PDS5B: variants seen among roughly 807,000 people sequenced by gnomAD.
PDS5B encodes sister chromatid cohesion protein PDS5 homolog B.
In PDS5B, 51 loss-of-function variants were observed where a neutral mutation model predicts 184.1. The observed-to-expected ratio is 0.28, with a 90% CI of 0.22 to 0.35. The LOEUF (loss-of-function observed/expected upper bound fraction) is 0.35, where lower values mean the gene tolerates loss of function less well. Ranked by LOEUF, PDS5B falls within the 10% of genes least tolerant of loss-of-function variation. PDS5B has a pLI of 1.00. For missense variants in PDS5B, 1,180 were observed against 1,723.3 expected, an observed-to-expected ratio of 0.68 and a Z score of 5.58; for synonymous variants, 566 against 569.2, an observed-to-expected ratio of 0.99 and a Z score of 0.08.
intron 1 of PDS5B, among the ~76,000 whole-genome samples, chr13:32,598,768 CTCTTT>C (rs2057921234): frequency 7.3e-6 from 1 of 136,842 alleles, no homozygotes; most frequent in Non-Finnish European, 1.6e-5. Flanking sequence ...TTTTTTTTCT[CTCTTT>C]TTTTTTTTTT....
intron 33 of PDS5B, chr13:32,771,018 A>T (rs1954766255): frequency 2.8e-6 from 1 of 356,766 alleles, no homozygotes; most frequent in South Asian, 6.5e-5. Flanking sequence ...TATGATATCT[A>T]AAGAAATCAT....
chr13:32,740,936 G>T (rs969539730), intron 21 of PDS5B, 144 bp from the exon 22 acceptor site: 37 of 588,968 alleles, frequency 6.3e-5, no homozygotes, highest in Non-Finnish European at 9.1e-5. Context: ...AAGTAAATAG[G>T]GTTAGATGAA....
At chr13:32,690,811 T>C (rs1951526801) in intron 13 of PDS5B, 1 of 152,144 alleles carries the variant, frequency 6.6e-6, no homozygotes. Context: ...AAGGCTTTGA[T>C]TCTACAAAAA....
intron 7 of PDS5B, among the ~76,000 whole-genome samples, chr13:32,672,522 A>G (rs754065246): frequency 3.3e-5 from 5 of 152,232 alleles, no homozygotes; most frequent in African/African-American, 2.4e-5. Flanking sequence ...GAAGTCCGAG[A>G]GTAGGCTGTC....
intron 19 of PDS5B, among the ~76,000 whole-genome samples, chr13:32,727,861 T>C (rs930379401): frequency 6.6e-6 from 1 of 151,676 alleles, no homozygotes; most frequent in Admixed American, 6.6e-5. Context: ...TTGAATACTT[T>C]TTTTTTTAAT....
intron 1 of PDS5B, among the ~76,000 whole-genome samples, chr13:32,622,940 G>T (rs986434658): frequency 6.6e-6 from 1 of 152,216 alleles, no homozygotes; most frequent in African/African-American, 2.4e-5. Flanking sequence ...TGAGTCAGGG[G>T]AATGGGAGAT....
intron 10 of PDS5B, among the ~76,000 whole-genome samples, 196 bp downstream of exon 10, chr13:32,679,125 G>T (rs1189252239): frequency 2.0e-5 from 3 of 149,030 alleles, no homozygotes; most frequent in Non-Finnish European, 4.4e-5. Flanking sequence ...TCGCTATGTT[G>T]CCCAAGCTTG....
chr13:32,725,840 A>C (rs1313115501), intron 19 of PDS5B, among the ~76,000 whole-genome samples: 3 of 152,150 alleles, frequency 2.0e-5, no homozygotes, highest in Admixed American at 2.0e-4. Context: ...TCCTAAAAGT[A>C]GTCTTTTACT....
intron 1 of PDS5B, among the ~76,000 whole-genome samples, chr13:32,612,070 G>A (rs900490845): frequency 1.3e-5 from 2 of 148,406 alleles, no homozygotes; most frequent in East Asian, 2.0e-4. Flanking sequence ...TTTCCTTCAC[G>A]TAGGCCATCC....
chr13:32,654,078 T>G (rs1177890543), intron 3 of PDS5B, among the ~76,000 whole-genome samples: 1 of 152,232 alleles, frequency 6.6e-6, no homozygotes, highest in Non-Finnish European at 1.5e-5. Context: ...TGAAAAATGT[T>G]AAGTATTTGG....
chr13:32,630,270 G>T (rs909925083), intron 1 of PDS5B, among the ~76,000 whole-genome samples: 2 of 152,174 alleles, frequency 1.3e-5, no homozygotes, highest in South Asian at 2.1e-4. Flanking sequence ...GGTTTCCTAT[G>T]TGGAATCTGA....
rs182762823 is a variant in PDS5B, at chr13:32,601,692, G to A, written c.-20+15099G>A. Among the ~76,000 whole-genome samples the A allele has an allele frequency of 8.5e-5, 13 of 152,328 alleles. No homozygotes were observed. In the East Asian group the frequency reaches 2.5e-3, roughly 29 times the overall value. ...CTTCTGTCTAAAAATAGATAGGGCTGTTGGACATTTATCTTTAAATGGTTA... is the reference window on the plus strand; with the variant it reads ...CTTCTGTCTAAAAATAGATAGGGCTATTGGACATTTATCTTTAAATGGTTA... On this transcript the variant is annotated intron_variant, in intron 1 of 34. Coordinates refer to ENST00000315596, the MANE Select transcript of PDS5B (RefSeq NM_015032.4).
intron 8 of PDS5B, among the ~76,000 whole-genome samples, chr13:32,675,536 T>G (rs1951042299): frequency 1.3e-5 from 2 of 152,210 alleles, no homozygotes; most frequent in Admixed American, 1.3e-4. Flanking sequence ...TAAGAGTTCA[T>G]TTTTTATTTT....
At chr13:32,632,514 T>G (rs9591189) in intron 1 of PDS5B, among the ~76,000 whole-genome samples, 55,064 of 151,994 alleles carry the variant, frequency 0.36, 10,499 homozygotes, top group Non-Finnish European at 0.43. Context: ...AGAAAATAAC[T>G]GTTGAAGAGG....
intron 1 of PDS5B, among the ~76,000 whole-genome samples, chr13:32,621,672 A>G (rs1375186181): frequency 6.6e-6 from 1 of 151,344 alleles, no homozygotes; most frequent in African/African-American, 2.4e-5. Context: ...TGTTAATTAC[A>G]TTTTTTTTTC....
intron 8 of PDS5B, among the ~76,000 whole-genome samples, chr13:32,674,346 C>A (rs1951012971): frequency 6.6e-6 from 1 of 152,056 alleles, no homozygotes; most frequent in Non-Finnish European, 1.5e-5. Flanking sequence ...AATGTGAACA[C>A]CCCAAGTAGC....
intron 9 of PDS5B, 51 bp from the exon 10 acceptor site, chr13:32,678,782 CAT>C (rs760768014): frequency 7.7e-5 from 76 of 990,446 alleles, no homozygotes; most frequent in East Asian, 4.6e-4. Flanking sequence ...AGATTTAACA[CAT>C]GTCTGTTTCT....
chr13:32,666,845 G>A (rs994279233), intron 6 of PDS5B, among the ~76,000 whole-genome samples: 11 of 152,088 alleles, frequency 7.2e-5, no homozygotes, highest in Middle Eastern at 3.4e-3. Flanking sequence ...AATCTATGGA[G>A]AAAATATAAA....
chr13:32,745,140 A>G (rs1234659374), intron 23 of PDS5B, among the ~76,000 whole-genome samples: 1 of 127,736 alleles, frequency 7.8e-6, no homozygotes, highest in Non-Finnish European at 1.6e-5. Context: ...CCTCTTGGTA[A>G]TATTTGAAAA....
Sources: gnomAD v4.1 joint callset for allele counts (sites outside exome capture counted in the v4.1 genomes callset) on GRCh38, gnomAD v4.1.1 for gene constraint, MANE v1.5 for transcripts, NCBI Gene and HGNC (gene_info 2026-07-23, HGNC 2026-07-21) for gene names.